SDK1: variants seen among roughly 807,000 people sequenced by gnomAD.
SDK1 encodes sidekick cell adhesion molecule 1, also known as protein sidekick-1.
A neutral mutation model predicts 245.5 loss-of-function variants in SDK1; 157 were observed. The ratio of observed to expected loss-of-function variants is 0.64; its 90% confidence interval spans 0.56 to 0.73. The LOEUF is 0.73. Ranked by LOEUF, SDK1 falls within the 30% of genes least tolerant of loss-of-function variation. The pLI is 0.00. For synonymous variants in SDK1, 1,647 were observed against 1,278.5 expected (o/e 1.29, Z -6.15); for missense variants, 3,583 against 3,002.3 (o/e 1.19, Z -4.52).
At chr7:3,826,212 C>G (rs768978425) in intron 5 of SDK1, among the ~76,000 whole-genome samples, 4 of 152,166 alleles carry the variant, frequency 2.6e-5, no homozygotes, top group Non-Finnish European at 4.4e-5. Context: ...GCATTTACTC[C>G]TTATGCATGA....
chr7:3,475,166 A>G (rs1238183946), intron 1 of SDK1, among the ~76,000 whole-genome samples: 1 of 152,124 alleles, frequency 6.6e-6, no homozygotes, highest in Non-Finnish European at 1.5e-5. Flanking sequence ...GTAGAAGCTG[A>G]TGACTAGTTA....
At chr7:3,470,813 G>T (rs1401958765) in intron 1 of SDK1, among the ~76,000 whole-genome samples, 1 of 152,098 alleles carries the variant, frequency 6.6e-6, no homozygotes, top group African/African-American at 2.4e-5. Context: ...ATTTTGAGCT[G>T]CTTAGAAGCA....
intron 44 of SDK1, among the ~76,000 whole-genome samples, chr7:4,249,553 G>A (rs942778481): frequency 1.3e-5 from 2 of 152,154 alleles, no homozygotes; most frequent in South Asian, 4.1e-4. Context: ...GGATTTGGGG[G>A]CCCAAGGCAC....
At chr7:3,764,438 C>T (rs1372547644) in intron 4 of SDK1, among the ~76,000 whole-genome samples, 1 of 152,182 alleles carries the variant, frequency 6.6e-6, no homozygotes, top group Non-Finnish European at 1.5e-5. Flanking sequence ...GTAATCCCAA[C>T]ACTTTGGGAG....
intron 4 of SDK1, among the ~76,000 whole-genome samples, chr7:3,719,515 A>G (rs893221552): frequency 6.6e-5 from 10 of 152,166 alleles, no homozygotes; most frequent in African/African-American, 2.4e-4. Flanking sequence ...CTAATTTTTG[A>G]CAAAGGTGCA....
At chr7:3,452,599 C>T (rs1780549941) in intron 1 of SDK1, among the ~76,000 whole-genome samples, 1 of 152,158 alleles carries the variant, frequency 6.6e-6, no homozygotes, top group South Asian at 2.1e-4. Context: ...TAATATAAGG[C>T]ACTCTTGCTA....
rs73310097 is a variant in SDK1, at chr7:3,854,225, C to A, written c.847+32642C>A. ...AGAGGAACCATAGAGGTTTTGAAAT[C>A]ATCTGACTTCAGTTCATATCTCAAC... is the stretch of plus-strand genomic sequence containing the variant. On this transcript the variant is annotated intron_variant, in intron 5 of 44. Coordinates refer to ENST00000404826, the MANE Select transcript of SDK1 (RefSeq NM_152744.4). Among the ~76,000 whole-genome samples, 432 of 152,284 alleles carry A rather than the reference C, an allele frequency of 2.8e-3. 4 individuals carry two copies. Among genetic ancestry groups the A allele is most frequent in the African/African-American group, 9.9e-3 (413 of 41,556 alleles).
At chr7:3,336,435 G>T (rs1197931542) in intron 1 of SDK1, among the ~76,000 whole-genome samples, 1 of 152,090 alleles carries the variant, frequency 6.6e-6, no homozygotes. Flanking sequence ...CCAGGTTAGG[G>T]CCATATCCAG....
At chr7:3,495,925 C>G (rs1282020520) in intron 1 of SDK1, among the ~76,000 whole-genome samples, 1 of 152,188 alleles carries the variant, frequency 6.6e-6, no homozygotes, top group Non-Finnish European at 1.5e-5. Flanking sequence ...CTTTTCAAAG[C>G]TTCAGTTCAC....
chr7:4,017,177 C>T lies in SDK1; in HGVS notation c.2427C>T (p.Arg809=). 6.2e-7 allele frequency: 1 copy of T among 1,610,072 alleles called. No individual in the cohort carries two copies. Among genetic ancestry groups the T allele is most frequent in the Middle Eastern group, 1.7e-4 (1 of 6,026 alleles). The part of the protein sequence containing the change: ...GVLRGYILRY[R]LAGLPGEYQQ... ...GGCTTCCTTCGTGGCGCAGGTACCG[C>T]CTGGCTGGCCTTCCCGGAGAGTACC... Residue 809 remains arginine, a synonymous_variant, in exon 17 of 45, where the codon CGC becomes CGT. Transcript: ENST00000404826.
chr7:3,978,847 C>G (rs1271538159), intron 13 of SDK1, among the ~76,000 whole-genome samples: 1 of 152,178 alleles, frequency 6.6e-6, no homozygotes, highest in African/African-American at 2.4e-5. Context: ...AGCCTGTTTT[C>G]TCCTTGCCTC....
intron 1 of SDK1, among the ~76,000 whole-genome samples, chr7:3,494,665 A>G (rs1052344360): frequency 3.3e-5 from 5 of 152,186 alleles, no homozygotes; most frequent in Admixed American, 2.0e-4. Flanking sequence ...ATTATGTTTT[A>G]TATACTCTGT....
rs17134050 is a variant in SDK1 at position 3,925,499 on chromosome 7, C to G, written c.848-25424C>G. Among the ~76,000 whole-genome samples, 380 of 152,306 alleles carry G rather than the reference C, an allele frequency of 2.5e-3. 3 individuals carry two copies. Among genetic ancestry groups the G allele is most frequent in the African/African-American group, 8.7e-3 (362 of 41,564 alleles). ...CCTCTATGAATCTCTCGTCGCCAAA[C>G]TAAGCAGTTTTAATCCAGATACAGA... On this transcript the variant is annotated intron_variant, in intron 5 of 44. Coordinates refer to ENST00000404826, the MANE Select transcript of SDK1 (RefSeq NM_152744.4).
At chr7:3,580,840 C>A (rs777748607) in intron 1 of SDK1, among the ~76,000 whole-genome samples, 1 of 151,370 alleles carries the variant, frequency 6.6e-6, no homozygotes, top group East Asian at 1.9e-4. Context: ...TGGTGGTATG[C>A]GCCTGTAGTC....
chr7:3,841,996 C>G (rs1780170155), intron 5 of SDK1, among the ~76,000 whole-genome samples: 1 of 152,226 alleles, frequency 6.6e-6, no homozygotes, highest in Admixed American at 6.5e-5. Flanking sequence ...GTACTGACAC[C>G]TCTCCTCCAC....
chr7:4,253,201 T>G (rs2128241368), intron 44 of SDK1, among the ~76,000 whole-genome samples: 1 of 152,314 alleles, frequency 6.6e-6, no homozygotes, highest in Middle Eastern at 3.4e-3. Flanking sequence ...TTCTTTCAAT[T>G]TCCTAAGTTG....
chr7:3,323,387 T>A (rs1454730043), intron 1 of SDK1, among the ~76,000 whole-genome samples: 1 of 152,222 alleles, frequency 6.6e-6, no homozygotes, highest in Non-Finnish European at 1.5e-5. Flanking sequence ...TTCCAGAGCT[T>A]GCTGTAAAAG....
intron 22 of SDK1, among the ~76,000 whole-genome samples, chr7:4,091,544 T>C (rs34987096): frequency 0.29 from 43,960 of 151,610 alleles, 7,900 homozygotes; most frequent in African/African-American, 0.51. Context: ...GGTTTTACCA[T>C]GTTGGCCAGG....
At chr7:3,541,419 C>T (rs192683918) in intron 1 of SDK1, among the ~76,000 whole-genome samples, 31 of 152,262 alleles carry the variant, frequency 2.0e-4, no homozygotes, top group African/African-American at 6.7e-4. Flanking sequence ...GCCTCTATGC[C>T]TTTCTCATGT....
Sources: gnomAD v4.1 joint callset for allele counts (sites outside exome capture counted in the v4.1 genomes callset) on GRCh38, gnomAD v4.1.1 for gene constraint, MANE v1.5 for transcripts, NCBI Gene and HGNC (gene_info 2026-07-23, HGNC 2026-07-21) for gene names.